Variants in SHB observed in about 807,000 individuals in gnomAD.
SHB encodes the protein SH2 domain-containing adapter protein B.
A neutral mutation model predicts 52.3 loss-of-function variants in SHB; 20 were observed. The ratio of observed to expected loss-of-function variants is 0.38; its 90% CI spans 0.27 to 0.56. The LOEUF is 0.56. Among genes scored for constraint, SHB ranks in the 20% least tolerant of loss-of-function variants. The pLI is 0.71. For synonymous variants in SHB, 397 were observed against 316.5 expected, an observed-to-expected ratio of 1.25 and a Z score of -2.70; for missense variants, 825 against 723.3, an observed-to-expected ratio of 1.14 and a Z score of -1.61.
chr9:37,987,147 C>A (rs2244203), intron 2 of SHB, among the ~76,000 whole-genome samples: 86,866 of 151,978 alleles, frequency 0.57, 25,185 homozygotes, highest in East Asian at 0.75. Flanking sequence ...TGCAGCCAGG[C>A]CCCTCCCCGC....
At chr9:37,954,774 G>A (rs1319341785) in intron 4 of SHB, among the ~76,000 whole-genome samples, 1 of 152,202 alleles carries the variant, frequency 6.6e-6, no homozygotes, top group Non-Finnish European at 1.5e-5. Flanking sequence ...ATGAATGGCA[G>A]GCTAGGGAGG....
chr9:37,939,903 T>C (rs1364122902), intron 5 of SHB, among the ~76,000 whole-genome samples: 1 of 152,222 alleles, frequency 6.6e-6, no homozygotes, highest in Admixed American at 6.5e-5. Context: ...GTGCTGGGCA[T>C]GCTGACCCGT....
At chr9:37,950,839 T>A (rs1832558216) in intron 4 of SHB, among the ~76,000 whole-genome samples, 1 of 152,208 alleles carries the variant, frequency 6.6e-6, no homozygotes, top group Admixed American at 6.5e-5. Flanking sequence ...GAGATTGCCC[T>A]CGCAGACTGT....
intron 2 of SHB, among the ~76,000 whole-genome samples, chr9:37,985,237 C>T (rs940122553): frequency 1.3e-5 from 2 of 152,218 alleles, no homozygotes; most frequent in Admixed American, 6.5e-5. Context: ...AAGGGAAAGG[C>T]CCAAGTCTGG....
At chr9:37,921,433 C>T (rs899179794) in intron 5 of SHB, among the ~76,000 whole-genome samples, 1 of 152,210 alleles carries the variant, frequency 6.6e-6, no homozygotes, top group African/African-American at 2.4e-5. Context: ...GGCTCCAGGA[C>T]CATTTTTAAA....
intron 1 of SHB, among the ~76,000 whole-genome samples, chr9:38,033,595 T>G (rs1307080239): frequency 2.6e-5 from 4 of 152,252 alleles, no homozygotes; most frequent in Non-Finnish European, 5.9e-5. Flanking sequence ...AGGGTCCACC[T>G]GAGTGGTCTC....
intron 3 of SHB, among the ~76,000 whole-genome samples, chr9:37,970,378 T>A (rs968981875): frequency 6.6e-6 from 1 of 152,242 alleles, no homozygotes; most frequent in East Asian, 1.9e-4. Context: ...AGAGCTGTTT[T>A]TGTGACAACT....
chr9:37,945,743 G>A (rs1003526962), intron 5 of SHB, among the ~76,000 whole-genome samples: 2 of 152,130 alleles, frequency 1.3e-5, no homozygotes, highest in Admixed American at 1.3e-4. Context: ...AGTCTCCCTC[G>A]ACGTCCTCCC....
At chr9:37,931,460 A>C (rs922270507) in intron 5 of SHB, among the ~76,000 whole-genome samples, 3 of 152,230 alleles carry the variant, frequency 2.0e-5, no homozygotes, top group African/African-American at 7.2e-5. Context: ...AAGAAGACAT[A>C]AAAAAATGGC....
chr9:37,957,352 G>C (rs529307519), intron 3 of SHB, among the ~76,000 whole-genome samples: 2 of 152,206 alleles, frequency 1.3e-5, no homozygotes, highest in Non-Finnish European at 2.9e-5. Flanking sequence ...AGCGCTGGCG[G>C]GGTAACGTGC....
rs191126781 is a variant in SHB at position 37,918,901 on chromosome 9, T to C, written c.*920A>G. On this transcript the variant is annotated 3_prime_UTR_variant, in exon 6 of 6. Coordinates refer to ENST00000377707, the MANE Select transcript of SHB (RefSeq NM_003028.3). ...ATGTCCACTGCTGAAGCCTGAACTC[T>C]GAGCTCTGGGTTGACTCCCAGAGTG... Among the ~76,000 whole-genome samples the C allele has an allele frequency of 3.0e-3, 453 of 152,290 alleles. 5 individuals carry two copies. Among genetic ancestry groups the C allele is most frequent in the Non-Finnish European group, 1.2e-3 (79 of 68,014 alleles).
intron 1 of SHB, among the ~76,000 whole-genome samples, chr9:38,031,868 C>T (rs111578554): frequency 3.0e-4 from 45 of 152,320 alleles, no homozygotes; most frequent in African/African-American, 1.0e-3. Flanking sequence ...CCCAGACTTA[C>T]CCATTTCAAA....
At chr9:38,006,035 C>G (rs1821072373) in intron 2 of SHB, among the ~76,000 whole-genome samples, 1 of 152,204 alleles carries the variant, frequency 6.6e-6, no homozygotes, top group Admixed American at 6.5e-5. Context: ...TCAACTCTGA[C>G]TCCTCCCCAG....
chr9:38,007,364 T>C lies in SHB; in HGVS notation c.838+8647A>G, dbSNP rs550175807. 7.2e-5 allele frequency among the ~76,000 whole-genome samples: 11 copies of C among 152,296 alleles called. No individual in the cohort carries two copies. The East Asian group carries it at 1.9e-3, about 27-fold the overall frequency. On this transcript the variant is annotated intron_variant, in intron 2 of 5. Coordinates refer to ENST00000377707, the MANE Select transcript of SHB (RefSeq NM_003028.3). ...AGAAATGAAGATGGGTGAGGACCAG[T>C]CCCTTCCTTCACGGAGCTCTCGGCC... is the stretch of plus-strand genomic sequence containing the variant.
chr9:38,050,903 A>G (rs1355585962), intron 1 of SHB, among the ~76,000 whole-genome samples: 1 of 152,194 alleles, frequency 6.6e-6, no homozygotes, highest in Non-Finnish European at 1.5e-5. Context: ...GGGAGAAAAC[A>G]CACAAAAAAG....
chr9:37,997,485 C>T (rs1271561283), intron 2 of SHB, among the ~76,000 whole-genome samples: 3 of 152,178 alleles, frequency 2.0e-5, no homozygotes, highest in South Asian at 2.1e-4. Flanking sequence ...CCTGAGTGAT[C>T]GAAATACCTC....
chr9:37,976,602 T>C (rs1478709505), intron 2 of SHB, among the ~76,000 whole-genome samples: 4 of 152,238 alleles, frequency 2.6e-5, no homozygotes, highest in African/African-American at 7.2e-5. Flanking sequence ...TTCAAGGTTC[T>C]TCCATGTTGT....
intron 1 of SHB, among the ~76,000 whole-genome samples, chr9:38,050,223 C>T (rs887429828): frequency 5.5e-5 from 8 of 145,900 alleles, no homozygotes; most frequent in African/African-American, 8.5e-5. Flanking sequence ...GGAAATGTCA[C>T]AGTCCTTCAG....
intron 1 of SHB, among the ~76,000 whole-genome samples, chr9:38,044,834 C>T (rs969989767): frequency 1.3e-5 from 2 of 152,220 alleles, no homozygotes; most frequent in Non-Finnish European, 2.9e-5. Flanking sequence ...GGTCAGGCCC[C>T]GTGCAAGGTG....
Sources: gnomAD v4.1 joint callset for allele counts (sites outside exome capture counted in the v4.1 genomes callset) on GRCh38, gnomAD v4.1.1 for gene constraint, MANE v1.5 for transcripts, NCBI Gene and HGNC (gene_info 2026-07-23, HGNC 2026-07-21) for gene names.